Variants in DAAM2 observed in about 807,000 individuals in gnomAD.
The protein encoded by DAAM2 is dishevelled associated activator of morphogenesis 2.
Under a neutral mutation model 120.7 loss-of-function variants are expected in DAAM2, and 39 were observed. That is an observed-to-expected ratio of 0.32 (90% CI 0.25 to 0.42). The LOEUF (loss-of-function observed/expected upper bound fraction) is 0.42. Among genes scored for constraint, DAAM2 ranks in the 10% least tolerant of loss-of-function variants. DAAM2 has a pLI of 1.00. For synonymous variants in DAAM2, 488 were observed against 524.9 expected (o/e 0.93, Z 0.96); for missense variants, 1,283 against 1,401.7 (o/e 0.92, Z 1.35).
chr6:39,894,202 C>T (rs1420351140), intron 19 of DAAM2, among the ~76,000 whole-genome samples: 3 of 152,022 alleles, frequency 2.0e-5, no homozygotes, highest in Non-Finnish European at 2.9e-5. Flanking sequence ...TGCATCTGGG[C>T]GTTTTCCCAT....
chr6:39,901,663 C>A lies in DAAM2; in HGVS notation c.2983-150C>A. 2.1e-6 allele frequency: 2 copies of A among 943,492 alleles called. No individual in the cohort carries two copies. Among genetic ancestry groups the A allele is most frequent in the Non-Finnish European group, 3.1e-6 (2 of 650,574 alleles). 58.4% of individuals were successfully genotyped at this position (943,492 alleles called of 1,614,324 possible). The stretch of plus-strand genomic sequence containing the variant: ...GAAGAGAGTGGTGTGAAGCTGGGGG[C>A]CTGTATGTCCTAGGCAGGAAGAAAG... On this transcript the variant is annotated intron_variant, in intron 24 of 24. Transcript: ENST00000274867. This position sits in a 1 kb window ranked among gnomAD's most constrained non-coding sequence, Gnocchi z 4.5.
At chr6:39,863,320 G>T (rs796531704) in intron 3 of DAAM2, among the ~76,000 whole-genome samples, 3 of 152,146 alleles carry the variant, frequency 2.0e-5, no homozygotes, top group African/African-American at 7.2e-5. Flanking sequence ...TTGGCCTTCA[G>T]TCATGGAGAA....
At position 39,904,582 on chromosome 6, in the gene DAAM2, T is replaced by G. The variant is rs1294003657; in HGVS notation, c.*2545T>G. The G allele has an allele frequency of 4.4e-6, 2 of 454,088 alleles. No homozygotes were observed. The highest frequency in any genetic ancestry group is 2.0e-5 in the African/African-American group (1 of 49,928). 28.1% of individuals were successfully genotyped at this position (454,088 alleles called of 1,614,324 possible). On this transcript the variant is annotated 3_prime_UTR_variant, in exon 25 of 25. Coordinates refer to ENST00000274867, the MANE Select transcript of DAAM2 (RefSeq NM_001201427.2). ...CAGCATTTCTCCCCTGTGATGGAAA[T>G]AAAGTGTTTAGGGCAGTGGGAGGAG...
At chr6:39,800,267 C>T (rs944819656) in intron 1 of DAAM2, among the ~76,000 whole-genome samples, 1 of 152,158 alleles carries the variant, frequency 6.6e-6, no homozygotes, top group Non-Finnish European at 1.5e-5. Context: ...AGCCTGCTGA[C>T]CACCCTGGGG....
At chr6:39,874,049 T>C (rs1764771469) in intron 10 of DAAM2, among the ~76,000 whole-genome samples, 1 of 152,208 alleles carries the variant, frequency 6.6e-6, no homozygotes, top group Non-Finnish European at 1.5e-5. Flanking sequence ...TCAGCAATCA[T>C]AGTGACAGTG....
intron 1 of DAAM2, among the ~76,000 whole-genome samples, chr6:39,838,076 C>G (rs1763177949): frequency 2.0e-5 from 3 of 152,192 alleles, no homozygotes; most frequent in Admixed American, 6.5e-5. Flanking sequence ...TGCAGAAGAT[C>G]TGCAGGTGAG....
chr6:39,861,323 T>C (rs1170003093), intron 3 of DAAM2: 2 of 422,322 alleles, frequency 4.7e-6, no homozygotes, highest in Admixed American at 3.3e-5. Context: ...CTCCCAGGCA[T>C]GGAGGGTGGG....
Position 39,891,921 on chromosome 6 carries a change from C to A in DAAM2, c.2341+199C>A, listed in dbSNP as rs373338271. ...TTGCTTATATTAGCACATGCGCCAA[C>A]CTTGTGACATGTTCCTTATGCCTCA... is the stretch of plus-strand genomic sequence containing the variant. On this transcript the variant is annotated intron_variant, in intron 19 of 24. Transcript: ENST00000274867. Among the ~76,000 whole-genome samples, 55 of 152,318 alleles carry A rather than the reference C, an allele frequency of 3.6e-4. No individual in the cohort carries two copies. The East Asian group carries it at 7.1e-3, about 20-fold the overall frequency.
chr6:39,893,625 G>A lies in DAAM2; in HGVS notation c.2341+1903G>A, dbSNP rs76876487. 7.3e-3 allele frequency among the ~76,000 whole-genome samples: 1,117 copies of A among 152,300 alleles called. 18 individuals carry two copies. Among genetic ancestry groups the A allele is most frequent in the African/African-American group, 0.025 (1,034 of 41,560 alleles). ...TGTTTGGGATAGCAAGATCTGCTGG[G>A]GAAAGCTACTCTTCTATAGCTCTGC... On this transcript the variant is annotated intron_variant, in intron 19 of 24. Transcript: ENST00000274867.
At chr6:39,845,164 TAC>T (rs1324027264) in intron 1 of DAAM2, among the ~76,000 whole-genome samples, 1 of 138,110 alleles carries the variant, frequency 7.2e-6, no homozygotes, top group Non-Finnish European at 1.6e-5. Context: ...ACACCACACA[TAC>T]ACACACCACA....
At chr6:39,832,220 G>C (rs1163635653) in intron 1 of DAAM2, among the ~76,000 whole-genome samples, 1 of 151,982 alleles carries the variant, frequency 6.6e-6, no homozygotes, top group Non-Finnish European at 1.5e-5. Flanking sequence ...TGAAAGTGGG[G>C]CTTGACTAGT....
intron 1 of DAAM2, among the ~76,000 whole-genome samples, chr6:39,825,502 G>A (rs1582627260): frequency 6.6e-6 from 1 of 151,878 alleles, no homozygotes; most frequent in African/African-American, 2.4e-5. Context: ...CTGTAAAGTA[G>A]CCCAGCTCTG....
chr6:39,839,401 A>T (rs1464684205), intron 1 of DAAM2, among the ~76,000 whole-genome samples: 1 of 152,208 alleles, frequency 6.6e-6, no homozygotes, highest in Non-Finnish European at 1.5e-5. Context: ...AGGTAGACTC[A>T]AAATGTGCAC....
At chr6:39,818,189 A>G (rs1196603241) in intron 1 of DAAM2, among the ~76,000 whole-genome samples, 5 of 140,994 alleles carry the variant, frequency 3.5e-5, no homozygotes, top group Non-Finnish European at 5.9e-5. Flanking sequence ...AATTAAAAAA[A>G]AAAAAAAAAA....
chr6:39,806,342 A>G (rs573991126), intron 1 of DAAM2, among the ~76,000 whole-genome samples: 1 of 152,334 alleles, frequency 6.6e-6, no homozygotes, highest in East Asian at 1.9e-4. Flanking sequence ...GATATGGTCA[A>G]TACGTGGTGC....
rs756656625 is a variant in DAAM2, at chr6:39,883,945, C to A, written c.1846-17C>A. ...GTTGGGCCAACCATGGGATCTTCTC[C>A]CTACCCTGAATTTTAGGAGCGTGTC... On this transcript the variant is annotated splice_polypyrimidine_tract_variant and intron_variant, in intron 14 of 24. Coordinates refer to ENST00000274867, the MANE Select transcript of DAAM2 (RefSeq NM_001201427.2). 6.3e-6 allele frequency: 10 copies of A among 1,585,342 alleles called. No individual in the cohort carries two copies. The highest frequency in any genetic ancestry group is 8.7e-6 in the Non-Finnish European group (10 of 1,155,276).
chr6:39,833,624 T>C (rs1762998570), intron 1 of DAAM2, among the ~76,000 whole-genome samples: 1 of 152,330 alleles, frequency 6.6e-6, no homozygotes, highest in Middle Eastern at 3.4e-3. Context: ...GGTTTTCTAT[T>C]GCCCTGTCCT....
intron 19 of DAAM2, among the ~76,000 whole-genome samples, chr6:39,892,879 C>T (rs906103131): frequency 7.2e-5 from 11 of 152,184 alleles, no homozygotes; most frequent in Non-Finnish European, 1.6e-4. Context: ...ACACTACACA[C>T]ACACACAGCA....
In DAAM2 at chr6:39,806,686, C is replaced by G. The variant is rs17667816; in HGVS notation, c.-57+14221C>G. On this transcript the variant is annotated intron_variant, in intron 1 of 24. Transcript: ENST00000274867. ...CCAGTGAGGAATTAAAATAAAAAAT[C>G]CTTTAGTGTCTTAAAGCATGTAAAT... is the stretch of plus-strand genomic sequence containing the variant. 8.9e-3 allele frequency among the ~76,000 whole-genome samples: 1,354 copies of G among 152,182 alleles called. 6 individuals carry two copies. The highest frequency in any genetic ancestry group is 0.015 in the Non-Finnish European group (1,020 of 67,994).
Sources: allele counts gnomAD v4.1 joint callset (sites outside exome capture counted in the v4.1 genomes callset), GRCh38; gene constraint gnomAD v4.1.1; non-coding constraint Gnocchi (gnomAD v3.1); transcripts MANE v1.5; gene names NCBI Gene and HGNC (gene_info 2026-07-23, HGNC 2026-07-21).